ZC3H14: variants seen among roughly 807,000 people sequenced by gnomAD.
ZC3H14 encodes the protein zinc finger CCCH-type containing 14.
ZC3H14 carries 31 observed loss-of-function variants against 92.4 expected under a neutral mutation model. The ratio of observed to expected loss-of-function variants is 0.34; its 90% CI spans 0.25 to 0.45. The LOEUF (loss-of-function observed/expected upper bound fraction) is 0.45, where lower values mean the gene tolerates loss of function less well. Ranked by LOEUF, ZC3H14 falls within the 20% of genes least tolerant of loss-of-function variation. The pLI, the probability that ZC3H14 is intolerant of heterozygous loss-of-function variation, is 1.00. For synonymous variants in ZC3H14, 321 were observed against 300.9 expected, an observed-to-expected ratio of 1.07 and a Z score of -0.69; for missense variants, 781 against 897.3, an observed-to-expected ratio of 0.87 and a Z score of 1.66.
At chr14:88,584,066 A>AG (rs140840263) in intron 9 of ZC3H14, among the ~76,000 whole-genome samples, 92,661 of 151,570 alleles carry the variant, frequency 0.61, 30,130 homozygotes, top group Non-Finnish European at 0.74. Flanking sequence ...GACCCTCTGC[A>AG]AAAAAGATGT....
chr14:88,603,321 A>G (rs2084903243), intron 12 of ZC3H14, among the ~76,000 whole-genome samples: 1 of 152,188 alleles, frequency 6.6e-6, no homozygotes, highest in African/African-American at 2.4e-5. Context: ...TATGCTGGCT[A>G]AAGGATGAAC....
chr14:88,579,084 C>CA (rs990869190), intron 9 of ZC3H14, among the ~76,000 whole-genome samples: 5 of 151,762 alleles, frequency 3.3e-5, no homozygotes, highest in Admixed American at 1.3e-4. Context: ...AAGACCCCAC[C>CA]AAAAAAATCT....
chr14:88,574,813 A>C lies in ZC3H14; in HGVS notation c.982A>C (p.Ile328Leu). 1 of 1,614,230 alleles carries C rather than the reference A, an allele frequency of 6.2e-7. No individual in the cohort carries two copies. Among genetic ancestry groups the C allele is most frequent in the Non-Finnish European group, 8.5e-7 (1 of 1,180,036 alleles). ...DDDYGSRTGS[I>L]SSSVSVPAKP... is the part of the protein sequence containing the mutation. ...TGATTACGGGTCTCGAACAGGAAGC[A>C]TCTCCAGCAGTGTGTCTGTGCCTGC... The change falls in exon 7 of 17, where the codon ATC (isoleucine) becomes CTC (leucine). Residue 328 changes from isoleucine to leucine, a missense_variant. Ile to Leu is a conservative substitution (Grantham distance 5). Coordinates refer to ENST00000251038, the MANE Select transcript of ZC3H14 (RefSeq NM_024824.5).
At chr14:88,595,879 C>T (rs1302465993) in intron 9 of ZC3H14, among the ~76,000 whole-genome samples, 2 of 152,180 alleles carry the variant, frequency 1.3e-5, no homozygotes, top group Non-Finnish European at 2.9e-5. Flanking sequence ...CTATCAGTTA[C>T]ATCCCTTTGT....
At position 88,600,671 on chromosome 14, in the gene ZC3H14, C is replaced by T. The variant is rs373038061; in HGVS notation, c.1355-1253C>T. On this transcript the variant is annotated intron_variant, in intron 10 of 16. Coordinates refer to ENST00000251038, the MANE Select transcript of ZC3H14 (RefSeq NM_024824.5). Reference sequence around the variant, plus strand: ...CTCACTATGTTGCCTAGGCCGGTCTCAAACTCCTGGGCTTATGGAATCCTT... The same window carrying T: ...CTCACTATGTTGCCTAGGCCGGTCTTAAACTCCTGGGCTTATGGAATCCTT... Among the ~76,000 whole-genome samples, 347 of 152,220 alleles carry T rather than the reference C, an allele frequency of 2.3e-3. 18 individuals carry two copies. In the South Asian group the frequency reaches 0.066, roughly 29 times the overall value.
At chr14:88,593,972 G>T (rs2083472459) in intron 9 of ZC3H14, among the ~76,000 whole-genome samples, 1 of 151,960 alleles carries the variant, frequency 6.6e-6, no homozygotes, top group South Asian at 2.1e-4. Flanking sequence ...TTAAGCCAAG[G>T]CTGAGTTCTT....
chr14:88,601,690 G>A (rs1279661610), intron 10 of ZC3H14, among the ~76,000 whole-genome samples: 2 of 152,166 alleles, frequency 1.3e-5, no homozygotes, highest in Non-Finnish European at 2.9e-5. Context: ...CTGTGGTTAG[G>A]GAGTGTTAAT....
rs960044597 is a variant in ZC3H14, at chr14:88,590,857, G to A, written c.1280-5877G>A. ...GGAGCTCAGTCAGTGTTTGTTGTCT[G>A]AGTAAATGTCACTCCTGCCTTGCAT... is the stretch of plus-strand genomic sequence containing the variant. On this transcript the variant is annotated intron_variant, in intron 9 of 16. Transcript: ENST00000251038. 5 of 152,178 alleles carry A rather than the reference G, an allele frequency of 3.3e-5. No individual in the cohort carries two copies. In the South Asian group the frequency reaches 1.0e-3, roughly 32 times the overall value. The allele number at this position is 152,178 out of a possible 1,614,324, so 9.4% of individuals were successfully genotyped here.
In ZC3H14 at chr14:88,622,757, G is replaced by T; in HGVS notation, c.*11006G>T. 1.4e-6 allele frequency: 2 copies of T among 1,425,010 alleles called. No homozygotes were observed. Among genetic ancestry groups the T allele is most frequent in the Non-Finnish European group, 9.5e-7 (1 of 1,051,372 alleles). The allele number at this position is 1,425,010 out of a possible 1,614,324, so 88.3% of individuals were successfully genotyped here. On this transcript the variant is annotated 3_prime_UTR_variant, in exon 17 of 17. Transcript: ENST00000251038. ...CAAGCCAGAGTAAGTGTTCATTATTGGCTACTATAATTTTTATTATAAACA... is the reference window on the plus strand; with the variant it reads ...CAAGCCAGAGTAAGTGTTCATTATTTGCTACTATAATTTTTATTATAAACA...
At chr14:88,604,277 T>A (rs189283352) in intron 12 of ZC3H14, among the ~76,000 whole-genome samples, 90 of 152,304 alleles carry the variant, frequency 5.9e-4, no homozygotes, top group African/African-American at 2.1e-3. Flanking sequence ...CTGTGGCCAT[T>A]GTGCTGACAG....
rs751477141 is a variant in ZC3H14, at chr14:88,572,786, A to G, written c.640A>G (p.Ile214Val). The change falls in exon 6 of 17, where the codon ATT becomes GTT. Residue 214 changes from isoleucine to valine, a missense_variant. Ile to Val is a conservative substitution (Grantham distance 29). Around this residue, in one of 3 missense-constraint regions of ZC3H14, gnomAD observed 454 missense variants for 438.5 expected, o/e 1.04. Coordinates refer to ENST00000251038, the MANE Select transcript of ZC3H14 (RefSeq NM_024824.5). The stretch of plus-strand genomic sequence containing the variant: ...TGGTTCTTCTCGCCCTTCTATTGAA[A>G]TTTATCGACCACCTGCAAGTAGAAA... The part of the protein sequence containing the change: ...TYGSSRPSIE[I>V]YRPPASRNAD... The G allele has an allele frequency of 6.2e-7, 1 of 1,614,090 alleles. No individual in the cohort carries two copies. Among genetic ancestry groups the G allele is most frequent in the African/African-American group, 1.3e-5 (1 of 74,940 alleles).
rs2087169270 is a variant in ZC3H14, at chr14:88,613,665, G to A, written c.*1914G>A. On this transcript the variant is annotated 3_prime_UTR_variant, in exon 17 of 17. Transcript: ENST00000251038. ...ACCACAAAAAGGGACCACAAAAAAA[G>A]GAAGGAAATGAGCATGGTTGGCGAT... is the stretch of plus-strand genomic sequence containing the variant. 6.6e-6 allele frequency: 1 copy of A among 152,100 alleles called. No homozygotes were observed. The highest frequency in any genetic ancestry group is 6.6e-5 in the Admixed American group (1 of 15,262). The allele number at this position is 152,100 out of a possible 1,614,324, so 9.4% of individuals were successfully genotyped here.
intron 12 of ZC3H14, among the ~76,000 whole-genome samples, chr14:88,605,993 C>T (rs1249229654): frequency 6.6e-6 from 1 of 152,150 alleles, no homozygotes; most frequent in East Asian, 1.9e-4. Flanking sequence ...CAGATTTTAA[C>T]TGACCTCTGG....
intron 10 of ZC3H14, among the ~76,000 whole-genome samples, chr14:88,601,132 A>G (rs1274050497): frequency 2.6e-5 from 4 of 151,992 alleles, no homozygotes; most frequent in Non-Finnish European, 4.4e-5. Flanking sequence ...CTGAAATTGT[A>G]TATGTGTCTG....
In ZC3H14 at chr14:88,621,099, T is replaced by G. The variant is rs2088837088; in HGVS notation, c.*9348T>G. On this transcript the variant is annotated 3_prime_UTR_variant, in exon 17 of 17. Coordinates refer to ENST00000251038, the MANE Select transcript of ZC3H14 (RefSeq NM_024824.5). ...GAAGTTGTAACCTCTTTTAAAAAAATTATCTGTACTTACTTTATCAGCAAT... is the reference window on the plus strand; with the variant it reads ...GAAGTTGTAACCTCTTTTAAAAAAAGTATCTGTACTTACTTTATCAGCAAT... 6.2e-7 allele frequency: 1 copy of G among 1,602,392 alleles called. No homozygotes were observed. Among genetic ancestry groups the G allele is most frequent in the East Asian group, 2.2e-5 (1 of 44,760 alleles).
chr14:88,587,822 T>C (rs2082636695), intron 9 of ZC3H14, among the ~76,000 whole-genome samples: 1 of 152,096 alleles, frequency 6.6e-6, no homozygotes, highest in Non-Finnish European at 1.5e-5. Context: ...GGTGTGATGA[T>C]GTGCACCTAT....
At chr14:88,602,413 A>C (rs1219561031) in intron 11 of ZC3H14, among the ~76,000 whole-genome samples, 1 of 152,230 alleles carries the variant, frequency 6.6e-6, no homozygotes, top group Middle Eastern at 3.2e-3. Flanking sequence ...TTGGCAGATC[A>C]GGTTTGGGTG....
At chr14:88,570,007 C>G (rs2080190463) in intron 3 of ZC3H14, among the ~76,000 whole-genome samples, 1 of 152,060 alleles carries the variant, frequency 6.6e-6, no homozygotes, top group Admixed American at 6.6e-5. Flanking sequence ...ATTGTGAGTA[C>G]TATTTTTTTT....
chr14:88,587,292 A>T (rs2082576873), intron 9 of ZC3H14, among the ~76,000 whole-genome samples: 1 of 151,580 alleles, frequency 6.6e-6, no homozygotes, highest in Non-Finnish European at 1.5e-5. Context: ...CCTCCTTAGT[A>T]GCTTGGGACT....
Sources: allele counts gnomAD v4.1 joint callset (sites outside exome capture counted in the v4.1 genomes callset), GRCh38; gene constraint gnomAD v4.1.1; regional missense constraint gnomAD v4.1.1; transcripts MANE v1.5; gene names NCBI Gene and HGNC (gene_info 2026-07-23, HGNC 2026-07-21).